NCOA3: variants seen among roughly 807,000 people sequenced by gnomAD.
NCOA3 encodes CBP-interacting protein.
Under a neutral mutation model 158.8 loss-of-function variants are expected in NCOA3, and 51 were observed. The observed-to-expected ratio is 0.32, with a 90% CI of 0.26 to 0.41. The LOEUF (loss-of-function observed/expected upper bound fraction) is 0.41, where lower values mean the gene tolerates loss of function less well. Ranked by LOEUF, NCOA3 falls within the 10% of genes least tolerant of loss-of-function variation. The pLI, the probability that NCOA3 is intolerant of heterozygous loss-of-function variation, is 1.00. For synonymous variants in NCOA3, 537 were observed against 592.4 expected (o/e 0.91, Z 1.36); for missense variants, 1,510 against 1,746.6 (o/e 0.86, Z 2.41).
chr20:47,503,857 G>A (rs2083982572), intron 1 of NCOA3, among the ~76,000 whole-genome samples: 1 of 152,132 alleles, frequency 6.6e-6, no homozygotes, highest in African/African-American at 2.4e-5. Flanking sequence ...ATTTCAATGA[G>A]CAGAAATCTA....
chr20:47,525,871 C>G (rs1352241086), intron 1 of NCOA3, among the ~76,000 whole-genome samples: 1 of 130,538 alleles, frequency 7.7e-6, no homozygotes, highest in African/African-American at 2.9e-5. Context: ...CCGGATGGGG[C>G]GGCTGGCCGG....
intron 1 of NCOA3, among the ~76,000 whole-genome samples, chr20:47,512,369 G>A (rs1053404453): frequency 3.3e-5 from 5 of 151,844 alleles, no homozygotes; most frequent in Middle Eastern, 6.8e-3. Context: ...AAGAGATCGA[G>A]ACCATCCTGG....
chr20:47,567,907 T>C (rs60913144), intron 1 of NCOA3, among the ~76,000 whole-genome samples: 8,335 of 152,062 alleles, frequency 0.055, 282 homozygotes, highest in Middle Eastern at 0.082. Flanking sequence ...ATGGGGTCTT[T>C]CTGTGTTGCC....
intron 10 of NCOA3, among the ~76,000 whole-genome samples, chr20:47,634,920 CTTTTTTTTTTT>C (rs66801245): frequency 8.3e-6 from 1 of 120,134 alleles, no homozygotes; most frequent in Non-Finnish European, 1.7e-5. Context: ...TTCTCTTCTT[CTTTTTTTTTTT>C]TTTTTTTTTT....
intron 1 of NCOA3, among the ~76,000 whole-genome samples, chr20:47,538,148 A>G (rs911215306): frequency 1.1e-4 from 17 of 152,136 alleles, no homozygotes; most frequent in Admixed American, 5.9e-4. Flanking sequence ...CCAAAGTGCT[A>G]GGATTACAGG....
intron 2 of NCOA3, among the ~76,000 whole-genome samples, chr20:47,620,657 A>G (rs369041613): frequency 6.6e-6 from 1 of 152,202 alleles, no homozygotes; most frequent in African/African-American, 2.4e-5. Flanking sequence ...GATAATTTGC[A>G]TATGTAATAG....
At chr20:47,574,872 ATGTTCTTGTACAT>A (rs1311274988) in intron 1 of NCOA3, among the ~76,000 whole-genome samples, 2 of 152,246 alleles carry the variant, frequency 1.3e-5, no homozygotes, top group Non-Finnish European at 2.9e-5. Context: ...ATTATGTAAA[ATGTTCTTGTACAT>A]TGTAGCAGTG....
intron 1 of NCOA3, among the ~76,000 whole-genome samples, chr20:47,518,364 T>TG (rs199954705): frequency 4.7e-5 from 7 of 149,136 alleles, no homozygotes; most frequent in African/African-American, 9.8e-5. Flanking sequence ...TAAATTAAAT[T>TG]GGGGGAAAAA....
intron 8 of NCOA3, among the ~76,000 whole-genome samples, chr20:47,633,240 G>A (rs1408883152): frequency 6.6e-6 from 1 of 152,124 alleles, no homozygotes; most frequent in African/African-American, 2.4e-5. Flanking sequence ...TGAGGATTTT[G>A]GATAGGGGCT....
chr20:47,604,590 C>T (rs1437529212), intron 2 of NCOA3, among the ~76,000 whole-genome samples: 3 of 152,052 alleles, frequency 2.0e-5, no homozygotes, highest in South Asian at 4.1e-4. Context: ...TTTTATCATT[C>T]GTAATGGCTT....
At chr20:47,553,969 G>A (rs939853066) in intron 1 of NCOA3, among the ~76,000 whole-genome samples, 1 of 152,084 alleles carries the variant, frequency 6.6e-6, no homozygotes, top group East Asian at 1.9e-4. Context: ...CTGAGGAATC[G>A]CCACACCGAC....
At chr20:47,574,287 A>G (rs1602424278) in intron 1 of NCOA3, among the ~76,000 whole-genome samples, 1 of 152,184 alleles carries the variant, frequency 6.6e-6, no homozygotes, top group African/African-American at 2.4e-5. Flanking sequence ...TAATTTTTCT[A>G]AGATTACATA....
At chr20:47,577,430 A>G (rs1036185241) in intron 1 of NCOA3, among the ~76,000 whole-genome samples, 1 of 152,222 alleles carries the variant, frequency 6.6e-6, no homozygotes, top group East Asian at 1.9e-4. Context: ...AGTGTTGAAC[A>G]GTTAACAACC....
intron 2 of NCOA3, among the ~76,000 whole-genome samples, chr20:47,599,335 G>T (rs1209641178): frequency 6.6e-6 from 1 of 152,090 alleles, no homozygotes; most frequent in Non-Finnish European, 1.5e-5. Context: ...GTAAGTGGTT[G>T]TCAAGGGCAG....
chr20:47,620,966 CT>C (rs1167209338), intron 2 of NCOA3, among the ~76,000 whole-genome samples: 2 of 152,288 alleles, frequency 1.3e-5, no homozygotes, highest in Admixed American at 1.3e-4. Context: ...TACAATACCC[CT>C]GAGATTGTGT....
intron 1 of NCOA3, among the ~76,000 whole-genome samples, chr20:47,512,145 TC>T (rs1324332337): frequency 1.3e-5 from 2 of 150,670 alleles, no homozygotes; most frequent in East Asian, 3.9e-4. Flanking sequence ...TGAGACCCCA[TC>T]CTATGAAAAA....
intron 8 of NCOA3, among the ~76,000 whole-genome samples, chr20:47,633,064 A>G (rs1470847298): frequency 6.6e-6 from 1 of 152,140 alleles, no homozygotes; most frequent in Non-Finnish European, 1.5e-5. Flanking sequence ...GGAACTACTA[A>G]CAGAAAGTTC....
intron 6 of NCOA3, 94 bp from the exon 7 acceptor site, chr20:47,627,467 A>C (rs1205300862): frequency 2.1e-6 from 2 of 959,192 alleles, no homozygotes; most frequent in African/African-American, 3.3e-5. Context: ...TATGGAAAAC[A>C]TGCATAATGA....
intron 1 of NCOA3, among the ~76,000 whole-genome samples, chr20:47,506,918 C>T (rs1435830768): frequency 6.6e-6 from 1 of 152,096 alleles, no homozygotes; most frequent in East Asian, 1.9e-4. Context: ...TGCAGCTTCA[C>T]TTTTTGGAAA....
Sources: allele counts gnomAD v4.1 joint callset (sites outside exome capture counted in the v4.1 genomes callset), GRCh38; gene constraint gnomAD v4.1.1; transcripts MANE v1.5; gene names NCBI Gene and HGNC (gene_info 2026-07-23, HGNC 2026-07-21).